ADRA1A: variants seen among roughly 807,000 people sequenced by gnomAD.
ADRA1A encodes the protein alpha-1A adrenergic receptor.
ADRA1A carries 31 observed loss-of-function variants against 29.6 expected under a neutral mutation model. The ratio of observed to expected loss-of-function variants is 1.05; its 90% CI spans 0.79 to 1.41. ADRA1A has a LOEUF of 1.41. Among genes scored for constraint, ADRA1A ranks in the 40% most tolerant of loss-of-function variants. The probability of loss-of-function intolerance (pLI) is 0.00; values close to 1 mark genes in which losing one functional copy is unlikely to be tolerated. For synonymous variants in ADRA1A, 311 were observed against 254.3 expected (o/e 1.22, Z -2.12); for missense variants, 619 against 601.1 (o/e 1.03, Z -0.31).
rs772196043 is a variant in ADRA1A, at chr8:26,864,523, G to A, written c.447C>T (p.Cys149=). The A allele has an allele frequency of 4.3e-6, 7 of 1,614,044 alleles. No individual in the cohort carries two copies. The South Asian group carries it at 7.7e-5, about 18-fold the overall frequency. The change falls in exon 2 of 3, where the codon TGC becomes TGT. Residue 149 remains cysteine, a synonymous_variant. Coordinates refer to ENST00000380573, the MANE Select transcript of ADRA1A (RefSeq NM_000680.4). This position sits in a 1 kb window ranked among gnomAD's most constrained non-coding sequence, Gnocchi z 8.1. The part of the protein sequence containing the change: ...TQRRGLMALL[C]VWALSLVISI... Reference sequence around the variant, plus strand: ...ATATGACCAGGGAGAGTGCCCAGACGCAGAGCAGAGCCATGAGACCCCTCC... The same window carrying A: ...ATATGACCAGGGAGAGTGCCCAGACACAGAGCAGAGCCATGAGACCCCTCC...
At chr8:26,833,392 T>C (rs1752839170) in intron 2 of ADRA1A, among the ~76,000 whole-genome samples, 2 of 152,206 alleles carry the variant, frequency 1.3e-5, no homozygotes, top group Non-Finnish European at 2.9e-5. Context: ...CCCTTTTGCT[T>C]GTCAGGGTTG....
intron 2 of ADRA1A, chr8:26,853,708 A>G (rs1035162980): frequency 2.6e-5 from 4 of 152,206 alleles, no homozygotes; most frequent in Non-Finnish European, 5.9e-5. Flanking sequence ...CCAAAATACA[A>G]ACATGAATTC....
At position 26,864,731 on chromosome 8, in the gene ADRA1A, A is replaced by C; in HGVS notation, c.239T>G (p.Leu80Arg). The change falls in exon 2 of 3, where the codon CTG becomes CGG. Residue 80 changes from leucine to arginine, a missense_variant. By Grantham distance (102) the Leu-to-Arg change is moderately radical. Transcript: ENST00000380573. The surrounding 1 kb of genome is among the most constrained non-coding windows in gnomAD (Gnocchi z 8.1). ...GACCTCGAAGATGGCGGAGAAGGGCAGCACCGTGGAGGTGAGCAGGAGGTC... is the reference window on the plus strand; with the variant it reads ...GACCTCGAAGATGGCGGAGAAGGGCCGCACCGTGGAGGTGAGCAGGAGGTC... The part of the protein sequence containing the change: ...VADLLLTSTV[L>R]PFSAIFEVLG... 6.2e-7 allele frequency: 1 copy of C among 1,614,196 alleles called. No homozygotes were observed. The highest frequency in any genetic ancestry group is 1.1e-5 in the South Asian group (1 of 91,076).
intron 2 of ADRA1A, among the ~76,000 whole-genome samples, chr8:26,840,298 G>A (rs1322903375): frequency 6.6e-6 from 1 of 152,166 alleles, no homozygotes; most frequent in African/African-American, 2.4e-5. Context: ...GCTGGGGTTT[G>A]GGAAAGTAGC....
intron 2 of ADRA1A, among the ~76,000 whole-genome samples, chr8:26,811,105 A>G (rs1809350220): frequency 6.6e-6 from 1 of 152,288 alleles, no homozygotes; most frequent in East Asian, 1.9e-4. Context: ...TTTCTTTATC[A>G]TCATTTTTGT....
At chr8:26,779,992 C>T (rs1042592114) in intron 2 of ADRA1A, among the ~76,000 whole-genome samples, 2 of 152,030 alleles carry the variant, frequency 1.3e-5, no homozygotes, top group Admixed American at 1.3e-4. Flanking sequence ...GGAGGGGAGG[C>T]TTATCAAGGG....
chr8:26,791,210 T>C (rs569373878), intron 2 of ADRA1A, among the ~76,000 whole-genome samples: 1 of 152,298 alleles, frequency 6.6e-6, no homozygotes, highest in Admixed American at 6.5e-5. Flanking sequence ...ATAACAAAAT[T>C]TATCTACTTC....
rs1813772625 is a variant in ADRA1A at position 26,864,757 on chromosome 8, G to T, written c.213C>A (p.Ala71=). 1 of 1,614,016 alleles carries T rather than the reference G, an allele frequency of 6.2e-7. No homozygotes were observed. Among genetic ancestry groups the T allele is most frequent in the Non-Finnish European group, 8.5e-7 (1 of 1,180,034 alleles). ...THYYIVNLAV[A]DLLLTSTVLP... ...GCACCGTGGAGGTGAGCAGGAGGTC[G>T]GCCACCGCCAGGTTGACGATGTAGT... Residue 71 remains alanine (A), a synonymous_variant, in exon 2 of 3, where the codon GCC becomes GCA. Transcript: ENST00000380573. This position sits in a 1 kb window ranked among gnomAD's most constrained non-coding sequence, Gnocchi z 8.1.
chr8:26,787,160 C>CT lies in ADRA1A; in HGVS notation c.884-16495dup, dbSNP rs1358498439. Among the ~76,000 whole-genome samples the CT allele has an allele frequency of 6.6e-6, 1 of 152,144 alleles. No homozygotes were observed. The highest frequency in any genetic ancestry group is 1.5e-5 in the Non-Finnish European group (1 of 68,040). On this transcript the variant is annotated intron_variant, in intron 2 of 2. Transcript: ENST00000380573. The surrounding 1 kb of genome is among the most constrained non-coding windows in gnomAD (Gnocchi z 4.2). ...TCATGTTTTAAATTTCTAGATGATGCTATCTGCGAATCTGTCACTGCTTTG... is the reference window on the plus strand; with the variant it reads ...TCATGTTTTAAATTTCTAGATGATGCTTATCTGCGAATCTGTCACTGCTTTG...
intron 2 of ADRA1A, among the ~76,000 whole-genome samples, chr8:26,782,595 C>G (rs922556414): frequency 3.3e-5 from 5 of 152,190 alleles, no homozygotes; most frequent in Non-Finnish European, 5.9e-5. Flanking sequence ...TCTTTTCAAA[C>G]TTAATGAAGC....
chr8:26,820,160 T>C (rs978200729), intron 2 of ADRA1A, among the ~76,000 whole-genome samples: 1 of 152,194 alleles, frequency 6.6e-6, no homozygotes, highest in Non-Finnish European at 1.5e-5. Context: ...TGAACTTCAG[T>C]ACCCCACTGT....
At position 26,867,116 on chromosome 8, in the gene ADRA1A, C is replaced by A; in HGVS notation, c.-867G>T. ...CTCCACCACTGATGTCTTTAAGCTC[C>A]TGAACCGCTGTCACTTTACCTGCAT... On this transcript the variant is annotated 5_prime_UTR_variant, in exon 1 of 3. It adds an upstream start codon to the 5' untranslated region. Transcript: ENST00000380573. 3 of 985,422 alleles carry A rather than the reference C, an allele frequency of 3.0e-6. No homozygotes were observed. The highest frequency in any genetic ancestry group is 3.6e-6 in the Non-Finnish European group (3 of 829,914). 61.0% of individuals were successfully genotyped at this position (985,422 alleles called of 1,614,324 possible). A position where few individuals can be genotyped will look rare whatever the true frequency, so the allele number is the denominator to read the frequency against.
rs372340298 is a variant in ADRA1A, at chr8:26,825,187, G to A, written c.883+38900C>T. Among the ~76,000 whole-genome samples, 17 of 152,208 alleles carry A rather than the reference G, an allele frequency of 1.1e-4. No homozygotes were observed. In the East Asian group the frequency reaches 1.9e-3, roughly 17 times the overall value. ...AGCTTGCTAGGCCTTCCAGGGCCTC[G>A]GTCCCCACATCTGTGTTGGGAGAGA... On this transcript the variant is annotated intron_variant, in intron 2 of 2. Coordinates refer to ENST00000380573, the MANE Select transcript of ADRA1A (RefSeq NM_000680.4). This position sits in a 1 kb window ranked among gnomAD's most constrained non-coding sequence, Gnocchi z 5.7.
rs554499784 is a variant in ADRA1A at position 26,825,460 on chromosome 8, G to C, written c.883+38627C>G. Reference sequence around the variant, plus strand: ...CCGCCCTACTTCGTTTCCTATAAGGGGACCAGGAACACTTTTCACTGGTCA... The same window carrying C: ...CCGCCCTACTTCGTTTCCTATAAGGCGACCAGGAACACTTTTCACTGGTCA... On this transcript the variant is annotated intron_variant, in intron 2 of 2. Transcript: ENST00000380573. This position sits in a 1 kb window ranked among gnomAD's most constrained non-coding sequence, Gnocchi z 5.7. 1.3e-5 allele frequency among the ~76,000 whole-genome samples: 2 copies of C among 152,124 alleles called. No individual in the cohort carries two copies. The highest frequency in any genetic ancestry group is 4.8e-5 in the African/African-American group (2 of 41,480).
intron 2 of ADRA1A, among the ~76,000 whole-genome samples, chr8:26,858,088 TA>T (rs1813178613): frequency 6.6e-6 from 1 of 152,194 alleles, no homozygotes; most frequent in Admixed American, 6.5e-5. Context: ...CATCCAATCT[TA>T]AAACACATTT....
rs1808879783 is a variant in ADRA1A, at chr8:26,805,167, T to C, written c.884-34501A>G. ...AAACGTCAGTTATATTGTGTCCCAC[T>C]GTGACGACCAAGAATGGGGCTCTCA... On this transcript the variant is annotated intron_variant, in intron 2 of 2. Transcript: ENST00000380573. The surrounding 1 kb of genome is among the most constrained non-coding windows in gnomAD (Gnocchi z 4.8). Among the ~76,000 whole-genome samples, 1 of 152,254 alleles carries C rather than the reference T, an allele frequency of 6.6e-6. No homozygotes were observed. Among genetic ancestry groups the C allele is most frequent in the Non-Finnish European group, 1.5e-5 (1 of 68,044 alleles).
chr8:26,748,164 G>C (rs1804772520), exon 3 of ADRA1A: 1 of 152,252 alleles, frequency 6.6e-6, no homozygotes, highest in Non-Finnish European at 1.5e-5. Flanking sequence ...AATGGCTATG[G>C]GCTGGGTGTC....
rs1226028251 is a variant in ADRA1A at position 26,815,719 on chromosome 8, T to C, written c.884-45053A>G. Among the ~76,000 whole-genome samples the C allele has an allele frequency of 6.6e-6, 1 of 152,188 alleles. No homozygotes were observed. Among genetic ancestry groups the C allele is most frequent in the Non-Finnish European group, 1.5e-5 (1 of 68,048 alleles). On this transcript the variant is annotated intron_variant, in intron 2 of 2. Transcript: ENST00000380573. This position sits in a 1 kb window ranked among gnomAD's most constrained non-coding sequence, Gnocchi z 4.2. The stretch of plus-strand genomic sequence containing the variant: ...TAAAAATAAAGCATACCAAAACTTG[T>C]AGAATGCAGCCAAAGCAATAATTGG...
chr8:26,837,895 T>G (rs1490592997), intron 2 of ADRA1A, among the ~76,000 whole-genome samples: 2 of 152,182 alleles, frequency 1.3e-5, no homozygotes, highest in Non-Finnish European at 2.9e-5. Context: ...GATTCCTATC[T>G]CAATACATTA....
Sources: gnomAD v4.1 joint callset for allele counts (sites outside exome capture counted in the v4.1 genomes callset) on GRCh38, gnomAD v4.1.1 for gene constraint, Gnocchi (gnomAD v3.1) non-coding constraint, MANE v1.5 for transcripts, NCBI Gene and HGNC (gene_info 2026-07-23, HGNC 2026-07-21) for gene names.